Variants in PLEKHD1 observed in about 807,000 individuals in gnomAD.
The protein encoded by PLEKHD1 is pleckstrin homology domain-containing family D member 1.
Under a neutral mutation model 69.2 loss-of-function variants are expected in PLEKHD1, and 51 were observed. The observed-to-expected ratio is 0.74, with a 90% CI of 0.59 to 0.93. The LOEUF (loss-of-function observed/expected upper bound fraction) is 0.93, where lower values mean the gene tolerates loss of function less well. PLEKHD1 is among the 40% of genes least tolerant of loss of function. The pLI is 0.00. For missense variants in PLEKHD1, 584 were observed against 641.0 expected (o/e 0.91, Z 0.96); for synonymous variants, 236 against 244.7 (o/e 0.96, Z 0.33).
rs1367351798 is a variant in PLEKHD1, at chr14:69,524,328, G to A, written c.744+6G>A. ...CCTTGCAGCAGACACTGGAGGTGAG[G>A]GGCTGCTGGTGGGTTAGTTGACCAG... On this transcript the variant is annotated splice_donor_region_variant and intron_variant, in intron 8 of 12. Coordinates refer to ENST00000322564, the MANE Select transcript of PLEKHD1 (RefSeq NM_001161498.2). 5.2e-6 allele frequency: 8 copies of A among 1,550,784 alleles called. No individual in the cohort carries two copies. The highest frequency in any genetic ancestry group is 7.0e-6 in the Non-Finnish European group (8 of 1,146,310).
chr14:69,521,087 G>A (rs982177045), intron 6 of PLEKHD1, among the ~76,000 whole-genome samples: 4 of 152,302 alleles, frequency 2.6e-5, no homozygotes, highest in East Asian at 1.9e-4. Context: ...AGCTATGATC[G>A]TGCCACTGCA....
chr14:69,486,600 T>A (rs138980301), intron 1 of PLEKHD1, among the ~76,000 whole-genome samples: 19 of 152,320 alleles, frequency 1.2e-4, no homozygotes, highest in African/African-American at 4.3e-4. Flanking sequence ...ATCTTTCTTC[T>A]GCCTCAGCAG....
chr14:69,500,496 G>A (rs1882998634), intron 2 of PLEKHD1, 81 bp from the exon 3 acceptor site: 2 of 1,180,058 alleles, frequency 1.7e-6, no homozygotes, highest in Non-Finnish European at 2.4e-6. Context: ...GGCAGGAACT[G>A]GCTTTGTCCA....
chr14:69,518,537 C>T (rs1353655832), intron 6 of PLEKHD1, among the ~76,000 whole-genome samples: 4 of 152,228 alleles, frequency 2.6e-5, no homozygotes, highest in Admixed American at 6.5e-5. Context: ...GCATTGAGCT[C>T]GTAAATTAAT....
chr14:69,506,625 A>G (rs1431742247), intron 6 of PLEKHD1, among the ~76,000 whole-genome samples: 1 of 152,154 alleles, frequency 6.6e-6, no homozygotes, highest in Non-Finnish European at 1.5e-5. Flanking sequence ...AAATACAGAG[A>G]TTTTCCACAT....
upstream of PLEKHD1, among the ~76,000 whole-genome samples, chr14:69,483,141 TG>T: frequency 6.6e-6 from 1 of 152,116 alleles, no homozygotes. Context: ...ATGTTCTGCA[TG>T]GGGGCCTGAG....
In PLEKHD1 at chr14:69,484,978, A is replaced by G; in HGVS notation, c.13A>G (p.Lys5Glu). The G allele has an allele frequency of 1.3e-6, 2 of 1,550,998 alleles. No individual in the cohort carries two copies. Among genetic ancestry groups the G allele is most frequent in the Non-Finnish European group, 1.7e-6 (2 of 1,146,806 alleles). Residue 5 changes from lysine (K) to glutamate (E), a missense_variant, in exon 1 of 13, where the codon AAG (lysine) becomes GAG (glutamate). Lys to Glu is a moderately conservative substitution (Grantham distance 56). Transcript: ENST00000322564. ...CCGCTGAGGCAGGATGTTCACGTCC[A>G]AGTCCAACTCGGTGTCGCCCTCGCC... is the stretch of plus-strand genomic sequence containing the variant. MFTSKSNSVSPSPSL... is the reference protein window; with the variant it reads MFTSESNSVSPSPSL...
chr14:69,486,546 T>G (rs956089239), intron 1 of PLEKHD1, among the ~76,000 whole-genome samples: 2 of 152,142 alleles, frequency 1.3e-5, no homozygotes, highest in Non-Finnish European at 2.9e-5. Context: ...AAAGGCTGTG[T>G]GTAGATTCAA....
the PLEKHD1 span, among the ~76,000 whole-genome samples, chr14:69,478,518 A>G: frequency 6.6e-6 from 1 of 152,210 alleles, no homozygotes; most frequent in East Asian, 1.9e-4. Context: ...GAATGTCTTT[A>G]ACAGCACCCA....
intron 1 of PLEKHD1, among the ~76,000 whole-genome samples, chr14:69,494,939 A>G (rs959064485): frequency 2.6e-5 from 4 of 152,222 alleles, no homozygotes; most frequent in African/African-American, 9.6e-5. Flanking sequence ...GGCCGAACTC[A>G]TTCCTGCCTG....
upstream of PLEKHD1, among the ~76,000 whole-genome samples, chr14:69,484,343 C>T (rs532514722): frequency 1.3e-5 from 2 of 152,226 alleles, no homozygotes; most frequent in African/African-American, 2.4e-5. Context: ...GCCCTAGCTC[C>T]GTCCTCTCCT....
intron 1 of PLEKHD1, among the ~76,000 whole-genome samples, chr14:69,494,031 G>A (rs1441819536): frequency 6.6e-6 from 1 of 152,214 alleles, no homozygotes; most frequent in Non-Finnish European, 1.5e-5. Flanking sequence ...CCCTCCAGTA[G>A]CAGCCTTGTG....
In PLEKHD1 at chr14:69,525,957, A is replaced by T; in HGVS notation, c.758A>T (p.Glu253Val). The change falls in exon 9 of 13, where the codon GAG (glutamate) becomes GTG (valine). Residue 253 changes from glutamate to valine, a missense_variant. Glu to Val is a moderately radical substitution (Grantham distance 121, BLOSUM62 -2). Coordinates refer to ENST00000322564, the MANE Select transcript of PLEKHD1 (RefSeq NM_001161498.2). ...CCTCCATGCCAGGAACTCTCCATAG[A>T]GAAGAAGAAAACCCTGGAAATGCTG... ...LQQTLEELSI[E>V]KKKTLEMLEE... 6.4e-7 allele frequency: 1 copy of T among 1,551,128 alleles called. No homozygotes were observed. The highest frequency in any genetic ancestry group is 1.2e-5 in the South Asian group (1 of 83,944).
intron 4 of PLEKHD1, chr14:69,501,398 T>C: frequency 3.1e-6 from 1 of 319,190 alleles, no homozygotes; most frequent in Non-Finnish European, 5.8e-6. Context: ...ACACCGACCG[T>C]GTGCTCTGTG....
intron 6 of PLEKHD1, among the ~76,000 whole-genome samples, chr14:69,510,672 T>C (rs1883251199): frequency 6.6e-6 from 1 of 152,266 alleles, no homozygotes; most frequent in Non-Finnish European, 1.5e-5. Flanking sequence ...CCAGATTTTC[T>C]ATATAGACAA....
At chr14:69,482,287 A>C (rs938624171), upstream of PLEKHD1, among the ~76,000 whole-genome samples, 10 of 152,334 alleles carry the variant, frequency 6.6e-5, no homozygotes, top group Admixed American at 5.2e-4. Flanking sequence ...CTTTTGAATG[A>C]TTGCAGGTAT....
upstream of PLEKHD1, among the ~76,000 whole-genome samples, chr14:69,482,163 G>A (rs1882552930): frequency 6.6e-6 from 1 of 152,214 alleles, no homozygotes; most frequent in Admixed American, 6.5e-5. Flanking sequence ...GAGGGAATAG[G>A]TAAAGATTGG....
chr14:69,499,858 G>C (rs895299618), intron 1 of PLEKHD1, among the ~76,000 whole-genome samples: 2 of 152,196 alleles, frequency 1.3e-5, no homozygotes, highest in Admixed American at 1.3e-4. Context: ...GCGGGACAGA[G>C]GCAGCCAGAC....
At chr14:69,519,580 G>A (rs1313368333) in intron 6 of PLEKHD1, among the ~76,000 whole-genome samples, 1 of 152,148 alleles carries the variant, frequency 6.6e-6, no homozygotes, top group Non-Finnish European at 1.5e-5. Flanking sequence ...TGATTGTCTT[G>A]CCGTATTATT....
Sources: allele counts gnomAD v4.1 joint callset (sites outside exome capture counted in the v4.1 genomes callset), GRCh38; gene constraint gnomAD v4.1.1; transcripts MANE v1.5; gene names NCBI Gene and HGNC (gene_info 2026-07-23, HGNC 2026-07-21).